Variants in KCNIP4 observed in about 807,000 individuals in gnomAD.
KCNIP4 encodes the protein potassium voltage-gated channel interacting protein 4, also known as Kv channel-interacting protein 4.
In KCNIP4, 12 loss-of-function variants were observed where a neutral mutation model predicts 34.0. The ratio of observed to expected loss-of-function variants is 0.35; its 90% CI spans 0.23 to 0.57. KCNIP4 has a LOEUF of 0.57. Among genes scored for constraint, KCNIP4 ranks in the 20% least tolerant of loss-of-function variants. The pLI is 0.83. For missense variants in KCNIP4, 238 were observed against 311.7 expected (o/e 0.76, Z 1.78); for synonymous variants, 124 against 102.2 (o/e 1.21, Z -1.29).
intron 1 of KCNIP4, among the ~76,000 whole-genome samples, chr4:21,724,787 A>G (rs1288289131): frequency 6.6e-6 from 1 of 152,090 alleles, no homozygotes; most frequent in Non-Finnish European, 1.5e-5. Flanking sequence ...TCCATTAAAT[A>G]TCTTCTGCTC....
chr4:20,996,143 G>A (rs756663185), intron 1 of KCNIP4, among the ~76,000 whole-genome samples: 12 of 152,106 alleles, frequency 7.9e-5, no homozygotes, highest in Non-Finnish European at 1.2e-4. Flanking sequence ...AATCCCATTG[G>A]TTCCACCTCC....
At chr4:21,725,473 A>G (rs554117954) in intron 1 of KCNIP4, among the ~76,000 whole-genome samples, 42 of 152,290 alleles carry the variant, frequency 2.8e-4, no homozygotes, top group African/African-American at 9.6e-4. Context: ...GAGAAAAGAC[A>G]AGAGACATTC....
At chr4:21,418,699 G>T (rs9994028) in intron 1 of KCNIP4, among the ~76,000 whole-genome samples, 43,495 of 151,946 alleles carry the variant, frequency 0.29, 7,150 homozygotes, top group Non-Finnish European at 0.38. Flanking sequence ...AATGTCTTCA[G>T]GGGAGAGAGG....
intron 1 of KCNIP4, among the ~76,000 whole-genome samples, chr4:21,800,209 G>T (rs1212356412): frequency 2.0e-5 from 3 of 152,002 alleles, no homozygotes; most frequent in African/African-American, 7.3e-5. Context: ...AATCAAGTTG[G>T]TACTACATTA....
At chr4:21,295,819 TG>T (rs990747564) in intron 1 of KCNIP4, among the ~76,000 whole-genome samples, 143 of 152,282 alleles carry the variant, frequency 9.4e-4, no homozygotes, top group African/African-American at 3.3e-3. Flanking sequence ...ATTTTTGTCT[TG>T]CTTCCCCAAT....
intron 1 of KCNIP4, among the ~76,000 whole-genome samples, chr4:20,926,984 C>T (rs78074968): frequency 0.029 from 4,446 of 152,064 alleles, 71 homozygotes; most frequent in Non-Finnish European, 0.038. Context: ...TCTTTCTGTT[C>T]TTTTTTTGAG....
chr4:21,455,866 T>C (rs1728921383), intron 1 of KCNIP4, among the ~76,000 whole-genome samples: 1 of 114,864 alleles, frequency 8.7e-6, no homozygotes, highest in African/African-American at 4.4e-5. Flanking sequence ...TGGACTTAGA[T>C]ACAATTGTGT....
intron 3 of KCNIP4, among the ~76,000 whole-genome samples, chr4:20,799,371 G>A (rs1213341434): frequency 6.6e-6 from 1 of 152,178 alleles, no homozygotes; most frequent in Non-Finnish European, 1.5e-5. Flanking sequence ...AGCTGATACA[G>A]TGCCCTGCTC....
At chr4:21,903,588 G>A (rs1200216252) in intron 1 of KCNIP4, among the ~76,000 whole-genome samples, 2 of 152,074 alleles carry the variant, frequency 1.3e-5, no homozygotes, top group Non-Finnish European at 2.9e-5. Flanking sequence ...GAAAAAGTAA[G>A]TGCTAAGAGG....
chr4:21,354,357 T>C (rs1718347049), intron 1 of KCNIP4, among the ~76,000 whole-genome samples: 1 of 152,104 alleles, frequency 6.6e-6, no homozygotes, highest in Admixed American at 6.5e-5. Context: ...GACTGGTAAA[T>C]TGGATAAAGA....
chr4:21,215,231 C>T (rs1383512255), intron 1 of KCNIP4, among the ~76,000 whole-genome samples: 1 of 152,062 alleles, frequency 6.6e-6, no homozygotes, highest in African/African-American at 2.4e-5. Flanking sequence ...ATAATCATGG[C>T]TTAGAACGTA....
chr4:21,769,177 T>A (rs763621970), intron 1 of KCNIP4, among the ~76,000 whole-genome samples: 15 of 151,802 alleles, frequency 9.9e-5, no homozygotes, highest in Admixed American at 5.3e-4. Context: ...TTAAGTATTT[T>A]AAAAAAAACT....
At chr4:20,988,457 A>G (rs945492776) in intron 1 of KCNIP4, among the ~76,000 whole-genome samples, 1 of 152,118 alleles carries the variant, frequency 6.6e-6, no homozygotes, top group African/African-American at 2.4e-5. Flanking sequence ...AAAACCTGAA[A>G]TTGATCATTT....
intron 8 of KCNIP4, 51 bp from the exon 9 acceptor site, chr4:20,730,180 AG>A (rs774523821): frequency 6.4e-7 from 1 of 1,561,960 alleles, no homozygotes. Context: ...TGCAAGGAAA[AG>A]TACACTATTT....
rs16871647 is a variant in KCNIP4 at position 21,645,511 on chromosome 4, G to A, written c.61+303060C>T. Among the ~76,000 whole-genome samples, 1,028 of 152,192 alleles carry A rather than the reference G, an allele frequency of 6.8e-3. 12 individuals are homozygous for A. Among genetic ancestry groups the A allele is most frequent in the African/African-American group, 0.023 (941 of 41,528 alleles). ...TGAAATACTAGTGCACTTTATTCTC[G>A]TTACAAAACCTTGAAATACTTATAT... On this transcript the variant is annotated intron_variant, in intron 1 of 8. Coordinates refer to ENST00000382152, the MANE Select transcript of KCNIP4 (RefSeq NM_025221.6).
intron 3 of KCNIP4, among the ~76,000 whole-genome samples, chr4:20,828,982 T>A (rs1718097514): frequency 1.3e-5 from 2 of 152,290 alleles, no homozygotes; most frequent in African/African-American, 4.8e-5. Context: ...CTCTCTAGCT[T>A]TTCAATTGGG....
At chr4:20,832,899 G>A (rs1472439938) in intron 3 of KCNIP4, among the ~76,000 whole-genome samples, 1 of 152,116 alleles carries the variant, frequency 6.6e-6, no homozygotes, top group Non-Finnish European at 1.5e-5. Flanking sequence ...CTGGTCCTTT[G>A]GAGTTCGGTG....
chr4:21,694,914 C>CAAAAAAAA lies in KCNIP4; in HGVS notation c.61+253649_61+253656dup, dbSNP rs368053041. On this transcript the variant is annotated intron_variant, in intron 1 of 8. Transcript: ENST00000382152. The stretch of plus-strand genomic sequence containing the variant: ...CGTTTCCTCAGATAACACGATTGAC[C>CAAAAAAAA]AAAAAAAAAAAAAAAATAAAAATAA... 9.0e-4 allele frequency among the ~76,000 whole-genome samples: 42 copies of CAAAAAAAA among 46,460 alleles called. 1 individual carries two copies. Among genetic ancestry groups the CAAAAAAAA allele is most frequent in the African/African-American group, 2.6e-3 (39 of 15,206 alleles). 30.5% of individuals were successfully genotyped at this position (46,460 alleles called of 152,430 possible). A position where few individuals can be genotyped will look rare whatever the true frequency, so the allele number is the denominator to read the frequency against.
intron 1 of KCNIP4, among the ~76,000 whole-genome samples, chr4:21,458,125 C>T (rs1256397322): frequency 1.4e-5 from 2 of 145,118 alleles, no homozygotes; most frequent in Non-Finnish European, 3.0e-5. Flanking sequence ...GTATATCTCC[C>T]AATGCTATCC....
Sources: allele counts gnomAD v4.1 joint callset (sites outside exome capture counted in the v4.1 genomes callset), GRCh38; gene constraint gnomAD v4.1.1; transcripts MANE v1.5; gene names NCBI Gene and HGNC (gene_info 2026-07-23, HGNC 2026-07-21).